CNTNAP5: variants seen among roughly 807,000 people sequenced by gnomAD.
CNTNAP5 encodes contactin-associated protein-like 5.
CNTNAP5 carries 72 observed loss-of-function variants against 150.2 expected under a neutral mutation model. That is an observed-to-expected ratio of 0.48 (90% CI 0.40 to 0.58). The LOEUF is 0.58. Ranked by LOEUF, CNTNAP5 falls within the 20% of genes least tolerant of loss-of-function variation. The pLI is 0.00. For missense variants in CNTNAP5, 1,636 were observed against 1,626.2 expected (o/e 1.01, Z -0.10); for synonymous variants, 672 against 619.8 (o/e 1.08, Z -1.25).
chr2:124,155,075 GTTTTTTTT>G (rs36194209), intron 1 of CNTNAP5, among the ~76,000 whole-genome samples: 2 of 81,374 alleles, frequency 2.5e-5, no homozygotes, highest in Non-Finnish European at 2.3e-5. Flanking sequence ...AACCATTCCC[GTTTTTTTT>G]TTTTTTTTTT....
chr2:124,372,782 T>C (rs1043235841), intron 3 of CNTNAP5, among the ~76,000 whole-genome samples: 13 of 152,110 alleles, frequency 8.5e-5, no homozygotes, highest in African/African-American at 2.9e-4. Flanking sequence ...ATAGACAGAA[T>C]TGTGCTAACT....
chr2:124,141,736 G>A (rs1573785701), intron 1 of CNTNAP5, among the ~76,000 whole-genome samples: 1 of 19,830 alleles, frequency 5.0e-5, no homozygotes, highest in African/African-American at 2.4e-4. Flanking sequence ...ATCAACTAAT[G>A]AGCAAAATCA....
intron 19 of CNTNAP5, among the ~76,000 whole-genome samples, chr2:124,812,174 T>C (rs1682250780): frequency 8.1e-6 from 1 of 122,702 alleles, no homozygotes; most frequent in Admixed American, 1.2e-4. Flanking sequence ...TATGTATTTA[T>C]AATACATAAG....
chr2:124,058,152 A>G (rs1681905992), intron 1 of CNTNAP5, among the ~76,000 whole-genome samples: 2 of 152,188 alleles, frequency 1.3e-5, no homozygotes. Context: ...ATTCCTAGAC[A>G]TCAACACAGA....
rs142735757 is a variant in CNTNAP5, at chr2:124,682,598, C to A, written c.2077+34640C>A. ...AATGGAAACATCAAATACCCCACAT[C>A]TTCCCGAGGCTCAGTAGTTTCTCTC... On this transcript the variant is annotated intron_variant, in intron 13 of 23. Coordinates refer to ENST00000682447, the MANE Select transcript of CNTNAP5 (RefSeq NM_001367498.1). 1.8e-3 allele frequency among the ~76,000 whole-genome samples: 268 copies of A among 152,316 alleles called. 2 individuals carry two copies. Among genetic ancestry groups the A allele is most frequent in the African/African-American group, 6.1e-3 (255 of 41,582 alleles).
intron 13 of CNTNAP5, among the ~76,000 whole-genome samples, chr2:124,704,623 A>G (rs1679595604): frequency 6.6e-6 from 1 of 152,216 alleles, no homozygotes; most frequent in African/African-American, 2.4e-5. Flanking sequence ...TCAACTCTTT[A>G]AAAATGTTTG....
intron 1 of CNTNAP5, among the ~76,000 whole-genome samples, chr2:124,145,812 T>TTA (rs1684228792): frequency 6.2e-5 from 4 of 64,178 alleles, no homozygotes; most frequent in South Asian, 1.5e-3. Flanking sequence ...AAAAAAACAT[T>TTA]AAAAAAAAAA....
intron 1 of CNTNAP5, among the ~76,000 whole-genome samples, chr2:124,172,771 C>CTT (rs1684964582): frequency 1.7e-5 from 1 of 57,386 alleles, no homozygotes; most frequent in Non-Finnish European, 4.3e-5. Context: ...CTGGCTCTCT[C>CTT]TCTCTCTCTG....
At chr2:124,069,937 A>G (rs534449536) in intron 1 of CNTNAP5, among the ~76,000 whole-genome samples, 21 of 152,330 alleles carry the variant, frequency 1.4e-4, no homozygotes, top group African/African-American at 4.8e-4. Context: ...CTTAAGTAGA[A>G]CGACTAAAGT....
chr2:124,637,041 A>G (rs1419957751), intron 12 of CNTNAP5, among the ~76,000 whole-genome samples: 1 of 152,214 alleles, frequency 6.6e-6, no homozygotes, highest in Non-Finnish European at 1.5e-5. Context: ...ATATTCTTCT[A>G]TGTAACCAGA....
At chr2:124,485,377 G>A (rs996704712) in intron 7 of CNTNAP5, among the ~76,000 whole-genome samples, 1 of 152,038 alleles carries the variant, frequency 6.6e-6, no homozygotes, top group Non-Finnish European at 1.5e-5. Flanking sequence ...ACTTTGGGAG[G>A]CCCAGGCGGG....
intron 11 of CNTNAP5, among the ~76,000 whole-genome samples, chr2:124,586,874 T>G (rs552019070): frequency 1.2e-4 from 19 of 152,286 alleles, no homozygotes; most frequent in African/African-American, 4.6e-4. Context: ...TCATATCCGA[T>G]TTTTTATATT....
chr2:124,791,291 AT>A (rs1239428173), intron 18 of CNTNAP5, among the ~76,000 whole-genome samples: 1 of 152,208 alleles, frequency 6.6e-6, no homozygotes, highest in Non-Finnish European at 1.5e-5. Flanking sequence ...TTACTTACTT[AT>A]TATTCCTGAA....
intron 3 of CNTNAP5, among the ~76,000 whole-genome samples, chr2:124,288,612 T>C (rs1451317358): frequency 1.3e-5 from 2 of 152,174 alleles, no homozygotes; most frequent in African/African-American, 2.4e-5. Flanking sequence ...TGGATAATAA[T>C]AAAAAATGGA....
At chr2:124,755,515 G>A (rs2105155238) in intron 14 of CNTNAP5, among the ~76,000 whole-genome samples, 2 of 152,276 alleles carry the variant, frequency 1.3e-5, no homozygotes, top group Middle Eastern at 3.4e-3. Context: ...GGCCAAGTAT[G>A]TCTGAAGGGG....
intron 13 of CNTNAP5, among the ~76,000 whole-genome samples, chr2:124,672,237 T>C (rs1678840035): frequency 6.6e-6 from 1 of 152,132 alleles, no homozygotes; most frequent in Non-Finnish European, 1.5e-5. Flanking sequence ...CCAGCCATAT[T>C]AAATAAGGGC....
At chr2:124,266,920 G>A (rs1318584443) in intron 3 of CNTNAP5, among the ~76,000 whole-genome samples, 1 of 151,546 alleles carries the variant, frequency 6.6e-6, no homozygotes, top group Non-Finnish European at 1.5e-5. Flanking sequence ...GTACGCTTTT[G>A]CTGGCTTAAG....
At chr2:124,239,399 A>G (rs2104763298) in intron 2 of CNTNAP5, among the ~76,000 whole-genome samples, 1 of 152,318 alleles carries the variant, frequency 6.6e-6, no homozygotes, top group South Asian at 2.1e-4. Flanking sequence ...AAAGAGAAAC[A>G]GTTAAGGCTT....
intron 3 of CNTNAP5, among the ~76,000 whole-genome samples, chr2:124,355,130 TG>T (rs1689964739): frequency 1.3e-5 from 2 of 151,710 alleles, no homozygotes; most frequent in African/African-American, 4.8e-5. Context: ...GTATAAGAAA[TG>T]AATGATACTT....
Sources: gnomAD v4.1 joint callset for allele counts (sites outside exome capture counted in the v4.1 genomes callset) on GRCh38, gnomAD v4.1.1 for gene constraint, MANE v1.5 for transcripts, NCBI Gene and HGNC (gene_info 2026-07-23, HGNC 2026-07-21) for gene names.